HS1BP3: variants seen among roughly 807,000 people sequenced by gnomAD.
The protein encoded by HS1BP3 is HCLS1-binding protein 3.
In HS1BP3, 32 loss-of-function variants were observed where a neutral mutation model predicts 33.5. The ratio of observed to expected loss-of-function variants is 0.95; its 90% CI spans 0.72 to 1.28. The LOEUF (loss-of-function observed/expected upper bound fraction) is 1.28. HS1BP3 is among the 50% of genes most tolerant of loss of function. The pLI is 0.00. For synonymous variants in HS1BP3, 187 were observed against 209.2 expected, an observed-to-expected ratio of 0.89 and a Z score of 0.92; for missense variants, 486 against 502.3, an observed-to-expected ratio of 0.97 and a Z score of 0.31.
downstream of HS1BP3, among the ~76,000 whole-genome samples, chr2:20,587,942 C>T (rs956497985): frequency 6.6e-5 from 10 of 151,988 alleles, no homozygotes; most frequent in African/African-American, 2.2e-4. Flanking sequence ...CTTCCACCAA[C>T]CATCTGGCTG....
intron 3 of HS1BP3, among the ~76,000 whole-genome samples, chr2:20,594,842 C>T (rs1693907782): frequency 6.6e-6 from 1 of 152,136 alleles, no homozygotes; most frequent in Non-Finnish European, 1.5e-5. Flanking sequence ...GCTGCATCTT[C>T]ATGGATGGAA....
At chr2:20,617,557 G>A (rs73235064), downstream of HS1BP3, among the ~76,000 whole-genome samples, 2,099 of 152,258 alleles carry the variant, frequency 0.014, 41 homozygotes, top group African/African-American at 0.046. Flanking sequence ...GTCCTGGCAC[G>A]GGCCAGGAGC....
chr2:20,624,993 G>A (rs1694733549), intron 4 of HS1BP3, 101 bp from the exon 5 acceptor site: 15 of 1,372,524 alleles, frequency 1.1e-5, no homozygotes, highest in Non-Finnish European at 1.5e-5. Flanking sequence ...TGGAGGGGCT[G>A]GATGCCATGG....
At chr2:20,598,257 T>C (rs1031204078) in exon 3 of HS1BP3, 17 of 427,206 alleles carry the variant, frequency 4.0e-5, no homozygotes, top group Non-Finnish European at 5.8e-5. Context: ...TGCAACTAGA[T>C]GGTCCCACCT....
At position 20,638,359 on chromosome 2, in the gene HS1BP3, A is replaced by G. The variant is rs908403404; in HGVS notation, c.623+77T>C. The G allele has an allele frequency of 3.5e-6, 5 of 1,415,078 alleles. No homozygotes were observed. In the African/African-American group the frequency reaches 4.3e-5, roughly 12 times the overall value. The allele number at this position is 1,415,078 out of a possible 1,614,324, so 87.7% of individuals were successfully genotyped here. A position where few individuals can be genotyped will look rare whatever the true frequency, so the allele number is the denominator to read the frequency against. On this transcript the variant is annotated intron_variant, in intron 4 of 6. Transcript: ENST00000304031. ...CTGGGATGCTCAGGGCTTTTCTCAG[A>G]TTCCAGGGAAGGGGGACGTCATCTC...
downstream of HS1BP3, among the ~76,000 whole-genome samples, chr2:20,614,984 G>A (rs969217471): frequency 6.6e-6 from 1 of 152,246 alleles, no homozygotes; most frequent in Admixed American, 6.5e-5. Context: ...GCAGCGCCAG[G>A]CCTGGCATAG....
downstream of HS1BP3, among the ~76,000 whole-genome samples, chr2:20,613,490 C>G (rs1694354178): frequency 6.6e-6 from 1 of 152,212 alleles, no homozygotes; most frequent in African/African-American, 2.4e-5. Context: ...CAGAGGGGCA[C>G]TGCTGGAGGA....
downstream of HS1BP3, among the ~76,000 whole-genome samples, chr2:20,560,155 G>A (rs1692954860): frequency 6.6e-6 from 1 of 152,194 alleles, no homozygotes; most frequent in African/African-American, 2.4e-5. Context: ...GGCTCTCATG[G>A]CTAGCTTTGC....
At chr2:20,612,852 G>T (rs1055179281), downstream of HS1BP3, among the ~76,000 whole-genome samples, 3 of 152,150 alleles carry the variant, frequency 2.0e-5, no homozygotes, top group East Asian at 5.8e-4. Context: ...GCTGATTTGT[G>T]TGGTACATTT....
intron 4 of HS1BP3, chr2:20,638,098 C>T: frequency 2.1e-6 from 1 of 478,740 alleles, no homozygotes. Flanking sequence ...GAAGGAGCAC[C>T]CAGTCCTCCC....
chr2:20,607,226 G>A (rs548250107), intron 2 of HS1BP3, among the ~76,000 whole-genome samples: 13 of 151,738 alleles, frequency 8.6e-5, no homozygotes, highest in Admixed American at 7.9e-4. Context: ...TGTGGTCTCA[G>A]CTCACTGCAA....
intron 5 of HS1BP3, among the ~76,000 whole-genome samples, chr2:20,568,802 A>T (rs1242078328): frequency 6.6e-6 from 1 of 152,156 alleles, no homozygotes; most frequent in African/African-American, 2.4e-5. Context: ...TTCCCACCTG[A>T]TGAGGGACAG....
intron 5 of HS1BP3, among the ~76,000 whole-genome samples, chr2:20,571,969 C>T (rs186034296): frequency 2.0e-4 from 31 of 152,354 alleles, no homozygotes; most frequent in African/African-American, 6.7e-4. Context: ...CAGGCCTGCT[C>T]CCCTCTTGCC....
chr2:20,627,168 G>A (rs1164375905), intron 4 of HS1BP3, among the ~76,000 whole-genome samples: 1 of 152,192 alleles, frequency 6.6e-6, no homozygotes, highest in Non-Finnish European at 1.5e-5. Context: ...CAGGCACTGC[G>A]GTGGGGAAGG....
intron 5 of HS1BP3, among the ~76,000 whole-genome samples, chr2:20,564,524 C>A (rs572109469): frequency 3.3e-5 from 5 of 152,124 alleles, no homozygotes; most frequent in African/African-American, 1.2e-4. Flanking sequence ...TCACTTGTCC[C>A]CCAGGCTGGA....
chr2:20,613,098 G>T (rs1471987909), downstream of HS1BP3, among the ~76,000 whole-genome samples: 6 of 152,170 alleles, frequency 3.9e-5, no homozygotes, highest in Non-Finnish European at 1.5e-5. Context: ...TGATGTCTGA[G>T]AAACAGGTGG....
At chr2:20,557,279 G>A (rs373146472), downstream of HS1BP3, among the ~76,000 whole-genome samples, 200 of 152,230 alleles carry the variant, frequency 1.3e-3, no homozygotes, top group African/African-American at 4.6e-3. Flanking sequence ...AATTTCATAA[G>A]GGTATTTTAG....
At chr2:20,588,752 A>C (rs936618771), downstream of HS1BP3, among the ~76,000 whole-genome samples, 7 of 152,186 alleles carry the variant, frequency 4.6e-5, no homozygotes, top group African/African-American at 1.7e-4. Context: ...TGTCAGTACC[A>C]TCTCAAAAAG....
At chr2:20,585,474 G>T (rs1459819856) in intron 5 of HS1BP3, among the ~76,000 whole-genome samples, 1 of 152,184 alleles carries the variant, frequency 6.6e-6, no homozygotes, top group Non-Finnish European at 1.5e-5. Context: ...ACTGCTAATA[G>T]TGTCATTTTC....
Sources: gnomAD v4.1 joint callset for allele counts (sites outside exome capture counted in the v4.1 genomes callset) on GRCh38, gnomAD v4.1.1 for gene constraint, MANE v1.5 for transcripts, NCBI Gene and HGNC (gene_info 2026-07-23, HGNC 2026-07-21) for gene names.